ANO5: variants seen among roughly 807,000 people sequenced by gnomAD.
ANO5 encodes anoctamin 5.
ANO5 carries 109 observed loss-of-function variants against 121.0 expected under a neutral mutation model. The observed-to-expected ratio is 0.90, with a 90% CI of 0.77 to 1.06. The LOEUF (loss-of-function observed/expected upper bound fraction) is 1.06, where lower values mean the gene tolerates loss of function less well. Ranked by LOEUF, ANO5 falls within the 50% of genes least tolerant of loss-of-function variation. The pLI, the probability that ANO5 is intolerant of heterozygous loss-of-function variation, is 0.00. For synonymous variants in ANO5, 406 were observed against 359.9 expected (o/e 1.13, Z -1.45); for missense variants, 1,064 against 1,078.5 (o/e 0.99, Z 0.19).
intron 5 of ANO5, among the ~76,000 whole-genome samples, chr11:22,224,504 T>A (rs572102844): frequency 6.6e-6 from 1 of 152,250 alleles, no homozygotes; most frequent in Admixed American, 6.6e-5. Context: ...TAAATGATGC[T>A]GATGAAACTG....
In ANO5 at chr11:22,239,591, A is replaced by T; in HGVS notation, c.785A>T (p.Glu262Val). Residue 262 changes from glutamate to valine, a missense_variant, in exon 9 of 22, where the codon GAA becomes GTA. Physicochemically the swap from Glu to Val is moderately radical, Grantham distance 121. Coordinates refer to ENST00000324559, the MANE Select transcript of ANO5 (RefSeq NM_213599.3). ...LHDGQYWKPS[E>V]PPNPTNERYT... The stretch of plus-strand genomic sequence containing the variant: ...CAGGGCCAATATTGGAAGCCATCAG[A>T]ACCTCCCAATCCTACCAATGAAAGA... 3 of 1,612,654 alleles carry T rather than the reference A, an allele frequency of 1.9e-6. No homozygotes were observed. The highest frequency in any genetic ancestry group is 2.5e-6 in the Non-Finnish European group (3 of 1,178,940).
At position 22,279,920 on chromosome 11, in the gene ANO5, A is replaced by C; in HGVS notation, c.*155A>C. 1.5e-6 allele frequency: 1 copy of C among 656,410 alleles called. No homozygotes were observed. The highest frequency in any genetic ancestry group is 2.0e-5 in the South Asian group (1 of 50,374). 40.7% of individuals were successfully genotyped at this position (656,410 alleles called of 1,614,324 possible). A position where few individuals can be genotyped will look rare whatever the true frequency, so the allele number is the denominator to read the frequency against. On this transcript the variant is annotated 3_prime_UTR_variant, in exon 22 of 22. Coordinates refer to ENST00000324559, the MANE Select transcript of ANO5 (RefSeq NM_213599.3). ...TCAAAGTTTTTATACACTTTTATAG[A>C]GGCCAACTTTGTGATGTTGGAAATG...
At chr11:22,265,678 A>T (rs1854334436) in intron 17 of ANO5, among the ~76,000 whole-genome samples, 1 of 152,142 alleles carries the variant, frequency 6.6e-6, no homozygotes, top group Non-Finnish European at 1.5e-5. Context: ...ATTGATATAT[A>T]GATTTATTGT....
intron 12 of ANO5, among the ~76,000 whole-genome samples, chr11:22,254,584 T>G (rs551398504): frequency 9.3e-4 from 142 of 151,952 alleles, no homozygotes; most frequent in African/African-American, 3.3e-3. Context: ...AGCAACAAAG[T>G]TGAACCAAAA....
rs1169834466 is a variant in ANO5 at position 22,264,752 on chromosome 11, GAAT to G, written c.1898+1712_1898+1714del. 4.0e-5 allele frequency among the ~76,000 whole-genome samples: 6 copies of G among 151,820 alleles called. No individual in the cohort carries two copies. In the East Asian group the frequency reaches 9.7e-4, roughly 24 times the overall value. On this transcript the variant is annotated intron_variant, in intron 17 of 21. Coordinates refer to ENST00000324559, the MANE Select transcript of ANO5 (RefSeq NM_213599.3). ...ATAAAAACTGACAGAAATGAAATAAGAATAAGTAAATATGAAATGGAAGCAATT... is the reference window on the plus strand; with the variant it reads ...ATAAAAACTGACAGAAATGAAATAAGAAGTAAATATGAAATGGAAGCAATT...
intron 1 of ANO5, among the ~76,000 whole-genome samples, chr11:22,201,066 C>T (rs1017947964): frequency 6.6e-6 from 1 of 152,108 alleles, no homozygotes; most frequent in Admixed American, 6.5e-5. Context: ...TAAATCATTG[C>T]TAGATTACTT....
intron 17 of ANO5, among the ~76,000 whole-genome samples, chr11:22,266,484 T>C (rs1244492948): frequency 6.6e-6 from 1 of 152,172 alleles, no homozygotes; most frequent in Non-Finnish European, 1.5e-5. Flanking sequence ...TTATAAATGA[T>C]ATCTCATTTT....
chr11:22,264,738 C>T (rs1256275111), intron 17 of ANO5, among the ~76,000 whole-genome samples: 8 of 151,918 alleles, frequency 5.3e-5, no homozygotes, highest in Non-Finnish European at 1.2e-4. Flanking sequence ...TAAAAACTGA[C>T]AGAAATGAAA....
At position 22,274,548 on chromosome 11, in the gene ANO5, CTTTT is replaced by C. The variant is rs72105710; in HGVS notation, c.2236-13_2236-10del. 147,204 of 1,266,820 alleles carry C rather than the reference CTTTT, an allele frequency of 0.12. 7,620 individuals are homozygous for C. Among genetic ancestry groups the C allele is most frequent in the African/African-American group, 0.18 (12,065 of 66,220 alleles). 78.5% of individuals were successfully genotyped at this position (1,266,820 alleles called of 1,614,324 possible). On this transcript the variant is annotated splice_polypyrimidine_tract_variant and intron_variant, in intron 19 of 21. Coordinates refer to ENST00000324559, the MANE Select transcript of ANO5 (RefSeq NM_213599.3). The stretch of plus-strand genomic sequence containing the variant: ...TAAATTGGCAGCTGATGATCTTCCT[CTTTT>C]TTTTTTTATTCTTCAGGCCTTTATT...
chr11:22,266,959 C>T (rs765683626), intron 17 of ANO5, among the ~76,000 whole-genome samples: 12 of 152,274 alleles, frequency 7.9e-5, no homozygotes, highest in Non-Finnish European at 1.6e-4. Flanking sequence ...TTGGAAACCA[C>T]GGCTTTAGAT....
chr11:22,233,446 T>C (rs184844710), intron 7 of ANO5, among the ~76,000 whole-genome samples: 3 of 150,118 alleles, frequency 2.0e-5, no homozygotes, highest in Non-Finnish European at 2.9e-5. Context: ...CTTTCCCAGG[T>C]TCCAGACATT....
In ANO5 at chr11:22,270,896, A is replaced by G. The variant is rs184830157; in HGVS notation, c.2029+454A>G. Among the ~76,000 whole-genome samples, 45 of 152,258 alleles carry G rather than the reference A, an allele frequency of 3.0e-4. No individual in the cohort carries two copies. In the East Asian group the frequency reaches 8.3e-3, roughly 28 times the overall value. ...AAGGCTAAAAGCGATTGTGTAAGGG[A>G]AATATAAGCTGAACACAAGAAACAT... On this transcript the variant is annotated intron_variant, in intron 18 of 21. Transcript: ENST00000324559.
intron 18 of ANO5, 107 bp from the exon 19 acceptor site, chr11:22,272,677 A>G (rs1007885877): frequency 9.9e-7 from 1 of 1,013,494 alleles, no homozygotes; most frequent in Admixed American, 2.0e-5. Flanking sequence ...GGATTGTCGT[A>G]TTCGTGTGGA....
chr11:22,219,464 T>C (rs553165978), intron 4 of ANO5, among the ~76,000 whole-genome samples: 129 of 152,180 alleles, frequency 8.5e-4, no homozygotes, highest in African/African-American at 2.8e-3. Context: ...CCTGTAAATA[T>C]ATTAGTTTTT....
At position 22,249,974 on chromosome 11, in the gene ANO5, G is replaced by A. The variant is rs113327729; in HGVS notation, c.879-263G>A. ...TATTTAAATTTTAAAGTTAAATTCC[G>A]TTTAATTGGCTTTCTACTTATATCT... On this transcript the variant is annotated intron_variant, in intron 9 of 21. Coordinates refer to ENST00000324559, the MANE Select transcript of ANO5 (RefSeq NM_213599.3). Among the ~76,000 whole-genome samples the A allele has an allele frequency of 0.013, 1,931 of 152,152 alleles. 24 individuals carry two copies. The highest frequency in any genetic ancestry group is 0.017 in the Non-Finnish European group (1,188 of 67,956).
At position 22,274,652 on chromosome 11, in the gene ANO5, G is replaced by A. The variant is rs1312903551; in HGVS notation, c.2319G>A (p.Met773Ile). The change falls in exon 20 of 22, where the codon ATG (methionine) becomes ATA (isoleucine). Residue 773 changes from methionine (M) to isoleucine (I), a missense_variant. Coordinates refer to ENST00000324559, the MANE Select transcript of ANO5 (RefSeq NM_213599.3). The stretch of plus-strand genomic sequence containing the variant: ...ACTCAACAAATGCCACACAGCCTAT[G>A]ACAGGATATGTGAATAATAGCCTGT... ...YAYSTNATQP[M>I]TGYVNNSLSV... 2 of 1,613,384 alleles carry A rather than the reference G, an allele frequency of 1.2e-6. No individual in the cohort carries two copies.
chr11:22,279,313 C>T (rs984437795), intron 21 of ANO5, among the ~76,000 whole-genome samples: 1 of 151,746 alleles, frequency 6.6e-6, no homozygotes, highest in African/African-American at 2.4e-5. Flanking sequence ...AGAGTATATT[C>T]AATAATCATG....
intron 14 of ANO5, among the ~76,000 whole-genome samples, chr11:22,259,235 A>G (rs1854106688): frequency 6.6e-6 from 1 of 152,126 alleles, no homozygotes; most frequent in African/African-American, 2.4e-5. Flanking sequence ...TTTCTACTAT[A>G]GTTTGCCACT....
Position 22,219,891 on chromosome 11 carries a change from A to AT in ANO5, c.181-1189dup, listed in dbSNP as rs5790244. On this transcript the variant is annotated intron_variant, in intron 4 of 21. Coordinates refer to ENST00000324559, the MANE Select transcript of ANO5 (RefSeq NM_213599.3). ...GGCACTTAATCTCTAGGTTCCCTAG[A>AT]TTTTTTTTTTTTTTTTTAATTCTTA... is the stretch of plus-strand genomic sequence containing the variant. 9.2e-3 allele frequency among the ~76,000 whole-genome samples: 1,276 copies of AT among 139,248 alleles called. 18 individuals carry two copies. The highest frequency in any genetic ancestry group is 0.016 in the East Asian group (74 of 4,750). The allele number at this position is 139,248 out of a possible 152,430, so 91.4% of individuals were successfully genotyped here.
Sources: allele counts gnomAD v4.1 joint callset (sites outside exome capture counted in the v4.1 genomes callset), GRCh38; gene constraint gnomAD v4.1.1; transcripts MANE v1.5; gene names NCBI Gene and HGNC (gene_info 2026-07-23, HGNC 2026-07-21).